PREX1: variants seen among roughly 807,000 people sequenced by gnomAD.
PREX1 encodes phosphatidylinositol-3,4,5-trisphosphate dependent Rac exchange factor 1.
A neutral mutation model predicts 198.3 loss-of-function variants in PREX1; 41 were observed. The observed-to-expected ratio is 0.21, with a 90% CI of 0.16 to 0.27. PREX1 has a LOEUF of 0.27. PREX1 is among the 10% of genes least tolerant of loss of function. The probability of loss-of-function intolerance (pLI) is 1.00; values close to 1 mark genes in which losing one functional copy is unlikely to be tolerated. For missense variants in PREX1, 1,620 were observed against 2,200.7 expected (o/e 0.74, Z 5.28); for synonymous variants, 843 against 887.2 (o/e 0.95, Z 0.89).
the PREX1 span, among the ~76,000 whole-genome samples, chr20:48,862,323 G>T: frequency 2.0e-5 from 3 of 152,132 alleles, no homozygotes; most frequent in East Asian, 1.9e-4. Context: ...ATCATCCCTT[G>T]AACTCCTCCT....
the PREX1 span, among the ~76,000 whole-genome samples, chr20:48,887,239 A>G: frequency 6.6e-6 from 1 of 152,188 alleles, no homozygotes; most frequent in African/African-American, 2.4e-5. Flanking sequence ...TAGAGTTTTT[A>G]TGAGGATTAA....
At chr20:48,803,513 A>T (rs1313919755) in intron 1 of PREX1, among the ~76,000 whole-genome samples, 1 of 152,154 alleles carries the variant, frequency 6.6e-6, no homozygotes, top group African/African-American at 2.4e-5. Context: ...AGGTATGTAC[A>T]GGGAGAGGGA....
chr20:48,650,823 C>A, intron 23 of PREX1, 71 bp downstream of exon 23: 5 of 1,557,594 alleles, frequency 3.2e-6, no homozygotes, highest in Non-Finnish European at 4.4e-6. Flanking sequence ...TAATTTACAA[C>A]CCAAATATCC....
the PREX1 span, among the ~76,000 whole-genome samples, chr20:48,860,534 C>T: frequency 6.6e-5 from 10 of 152,156 alleles, no homozygotes; most frequent in African/African-American, 2.4e-4. Context: ...TTATGTTATG[C>T]GTATTTTACC....
intron 4 of PREX1, among the ~76,000 whole-genome samples, chr20:48,732,381 T>C (rs1156771268): frequency 6.8e-6 from 1 of 147,198 alleles, no homozygotes; most frequent in Non-Finnish European, 1.5e-5. Flanking sequence ...CAATTAGGAA[T>C]ATTATTTTAT....
At chr20:48,793,185 C>T (rs2090346293) in intron 1 of PREX1, among the ~76,000 whole-genome samples, 1 of 152,176 alleles carries the variant, frequency 6.6e-6, no homozygotes, top group Admixed American at 6.5e-5. Flanking sequence ...TCCTGGATAA[C>T]AGAGCAAGAA....
At chr20:48,873,530 G>A in the PREX1 span, among the ~76,000 whole-genome samples, 1 of 122,940 alleles carries the variant, frequency 8.1e-6, no homozygotes, top group African/African-American at 3.1e-5. Context: ...CCAACATGGT[G>A]AAACCCAGTC....
intron 10 of PREX1, among the ~76,000 whole-genome samples, chr20:48,681,980 C>T (rs1326391701): frequency 6.6e-6 from 1 of 152,030 alleles, no homozygotes; most frequent in African/African-American, 2.4e-5. Context: ...GTGATGAAAC[C>T]ATGTCATTTC....
At chr20:48,673,564 G>A (rs989294960) in intron 14 of PREX1, among the ~76,000 whole-genome samples, 7 of 152,166 alleles carry the variant, frequency 4.6e-5, no homozygotes, top group Non-Finnish European at 1.0e-4. Context: ...AGCTCTGAGA[G>A]CCTTGAAACC....
At chr20:48,673,253 C>T (rs371569490) in intron 14 of PREX1, among the ~76,000 whole-genome samples, 29 of 152,366 alleles carry the variant, frequency 1.9e-4, no homozygotes, top group African/African-American at 6.7e-4. Context: ...CCCATACATT[C>T]TTGCCCATCT....
At chr20:48,737,913 C>T (rs1418339242) in intron 3 of PREX1, among the ~76,000 whole-genome samples, 2 of 152,208 alleles carry the variant, frequency 1.3e-5, no homozygotes, top group Non-Finnish European at 2.9e-5. Context: ...TGAAGCCAAC[C>T]TACACTCCTG....
rs951766701 is a variant in PREX1 at position 48,670,072 on chromosome 20, C to T, written c.1666-3717G>A. Among the ~76,000 whole-genome samples the T allele has an allele frequency of 5.3e-5, 8 of 152,314 alleles. 1 individual carries two copies. The East Asian group carries it at 1.5e-3, about 29-fold the overall frequency. On this transcript the variant is annotated intron_variant, in intron 14 of 39. Coordinates refer to ENST00000371941, the MANE Select transcript of PREX1 (RefSeq NM_020820.4). ...CACTCGACAGAGGAGGAAACAGAGG[C>T]ATAGACAGACTTGGCAGTTGCTCAA...
intron 14 of PREX1, among the ~76,000 whole-genome samples, chr20:48,675,701 C>A (rs1282378625): frequency 1.3e-5 from 2 of 152,152 alleles, no homozygotes; most frequent in East Asian, 3.9e-4. Flanking sequence ...GACGGTTGCA[C>A]AACATTATCA....
At chr20:48,787,803 A>G (rs2090320020) in intron 1 of PREX1, among the ~76,000 whole-genome samples, 1 of 152,222 alleles carries the variant, frequency 6.6e-6, no homozygotes, top group Admixed American at 6.5e-5. Context: ...TTTTAAGTCT[A>G]ATTTTGAAAA....
the PREX1 span, among the ~76,000 whole-genome samples, chr20:48,840,361 A>G: frequency 6.6e-6 from 1 of 151,718 alleles, no homozygotes; most frequent in Non-Finnish European, 1.5e-5. Context: ...AAAAGAAAAA[A>G]AAAAGCATAT....
At chr20:48,844,445 C>T in the PREX1 span, among the ~76,000 whole-genome samples, 1 of 152,158 alleles carries the variant, frequency 6.6e-6, no homozygotes, top group Admixed American at 6.6e-5. Context: ...AATGAACCCT[C>T]CTCACCCCCA....
At chr20:48,847,642 A>G in the PREX1 span, among the ~76,000 whole-genome samples, 2 of 152,056 alleles carry the variant, frequency 1.3e-5, no homozygotes, top group Non-Finnish European at 2.9e-5. Context: ...GTTTTTTCAT[A>G]TTATTACTAA....
chr20:48,748,849 G>A (rs1169005750), intron 1 of PREX1, among the ~76,000 whole-genome samples: 2 of 152,228 alleles, frequency 1.3e-5, no homozygotes, highest in African/African-American at 4.8e-5. Context: ...AATGAAGCCA[G>A]AAATTAGAAT....
intron 1 of PREX1, among the ~76,000 whole-genome samples, chr20:48,820,957 T>A (rs2090481824): frequency 6.6e-6 from 1 of 152,016 alleles, no homozygotes; most frequent in South Asian, 2.1e-4. Flanking sequence ...CCCAGCACTG[T>A]GGGAGGCCAA....
Sources: allele counts gnomAD v4.1 joint callset (sites outside exome capture counted in the v4.1 genomes callset), GRCh38; gene constraint gnomAD v4.1.1; transcripts MANE v1.5; gene names NCBI Gene and HGNC (gene_info 2026-07-23, HGNC 2026-07-21).